GPHN: variants seen among roughly 807,000 people sequenced by gnomAD.
The protein encoded by GPHN is gephyrin.
A neutral mutation model predicts 95.5 loss-of-function variants in GPHN; 17 were observed. The ratio of observed to expected loss-of-function variants is 0.18; its 90% CI spans 0.12 to 0.27. The LOEUF (loss-of-function observed/expected upper bound fraction) is 0.27. Ranked by LOEUF, GPHN falls within the 10% of genes least tolerant of loss-of-function variation. The probability of loss-of-function intolerance (pLI) is 1.00; values close to 1 mark genes in which losing one functional copy is unlikely to be tolerated. For missense variants in GPHN, 660 were observed against 978.1 expected (o/e 0.67, Z 4.34); for synonymous variants, 320 against 322.5 (o/e 0.99, Z 0.08).
chr14:66,611,740 A>G (rs909449287), intron 1 of GPHN, among the ~76,000 whole-genome samples: 1 of 152,124 alleles, frequency 6.6e-6, no homozygotes, highest in Non-Finnish European at 1.5e-5. Flanking sequence ...GCTCTTTTAA[A>G]ATCTTAGCCA....
chr14:67,173,712 AAAG>A (rs1228057338), intron 21 of GPHN, among the ~76,000 whole-genome samples: 1 of 152,238 alleles, frequency 6.6e-6, no homozygotes, highest in Non-Finnish European at 1.5e-5. Context: ...ACCCAAATGA[AAAG>A]AAAATCAATG....
chr14:66,990,851 T>C (rs578070953), intron 9 of GPHN, among the ~76,000 whole-genome samples: 1 of 151,504 alleles, frequency 6.6e-6, no homozygotes, highest in Non-Finnish European at 1.5e-5. Context: ...TTTAATTTGC[T>C]AATAAATAAA....
At chr14:66,560,093 G>C (rs1274629052) in intron 1 of GPHN, among the ~76,000 whole-genome samples, 1 of 152,050 alleles carries the variant, frequency 6.6e-6, no homozygotes, top group Non-Finnish European at 1.5e-5. Context: ...TGTTCCATTG[G>C]TCTATATCTC....
the GPHN span, among the ~76,000 whole-genome samples, chr14:67,539,281 T>C: frequency 1.3e-5 from 2 of 152,210 alleles, no homozygotes; most frequent in African/African-American, 2.4e-5. Flanking sequence ...CATGTTTTGT[T>C]TTTGTCTTTT....
the GPHN span, chr14:67,656,542 G>A: frequency 2.5e-6 from 4 of 1,613,932 alleles, no homozygotes; most frequent in Admixed American, 1.7e-5. Flanking sequence ...CCCGGTTCAG[G>A]CTTTCAGTGC....
intron 1 of GPHN, among the ~76,000 whole-genome samples, chr14:66,545,081 A>G (rs982124415): frequency 6.6e-6 from 1 of 151,890 alleles, no homozygotes; most frequent in African/African-American, 2.4e-5. Flanking sequence ...CCCGTTCTCA[A>G]TGAGCTGCCG....
rs554913568 is a variant in GPHN, at chr14:66,798,258, C to G, written c.201+21737C>G. Among the ~76,000 whole-genome samples, 3 of 152,000 alleles carry G rather than the reference C, an allele frequency of 2.0e-5. No homozygotes were observed. In the South Asian group the frequency reaches 6.2e-4, roughly 32 times the overall value. On this transcript the variant is annotated intron_variant, in intron 3 of 22. Coordinates refer to ENST00000478722, the MANE Select transcript of GPHN (RefSeq NM_020806.5). ...CATTGAGGAGTTTTGCATCAATATTCATGAGAGATATTGGCCTATAGTTTT... is the reference window on the plus strand; with the variant it reads ...CATTGAGGAGTTTTGCATCAATATTGATGAGAGATATTGGCCTATAGTTTT...
At chr14:66,536,769 C>A (rs1487125859) in intron 1 of GPHN, among the ~76,000 whole-genome samples, 1 of 152,150 alleles carries the variant, frequency 6.6e-6, no homozygotes, top group Non-Finnish European at 1.5e-5. Flanking sequence ...TCAGTAAGGT[C>A]ATATTGGTTA....
chr14:66,577,409 C>T lies in GPHN; in HGVS notation c.64+68818C>T, dbSNP rs190853603. Among the ~76,000 whole-genome samples the T allele has an allele frequency of 3.9e-5, 6 of 152,276 alleles. No individual in the cohort carries two copies. In the East Asian group the frequency reaches 1.2e-3, roughly 29 times the overall value. On this transcript the variant is annotated intron_variant, in intron 1 of 22. Coordinates refer to ENST00000478722, the MANE Select transcript of GPHN (RefSeq NM_020806.5). ...TATAGTTTTTGTGTGCTTTCTACCACACACCAGTGCTTCTTAAGTTTCAGT... is the reference window on the plus strand; with the variant it reads ...TATAGTTTTTGTGTGCTTTCTACCATACACCAGTGCTTCTTAAGTTTCAGT...
the GPHN span, among the ~76,000 whole-genome samples, chr14:67,627,372 G>A: frequency 6.6e-6 from 1 of 151,238 alleles, no homozygotes; most frequent in Admixed American, 6.6e-5. Context: ...ACTTATGTAA[G>A]TTTTATGTGT....
chr14:66,982,862 T>C (rs2070767473), intron 9 of GPHN, among the ~76,000 whole-genome samples: 1 of 152,182 alleles, frequency 6.6e-6, no homozygotes, highest in Admixed American at 6.6e-5. Flanking sequence ...TAGCTAATGA[T>C]GTGAAGCTCT....
chr14:66,901,730 C>G lies in GPHN; in HGVS notation c.390-14273C>G, dbSNP rs79945482. Among the ~76,000 whole-genome samples, 471 of 151,928 alleles carry G rather than the reference C, an allele frequency of 3.1e-3. 12 individuals carry two copies. Among genetic ancestry groups the G allele is most frequent in the African/African-American group, 0.011 (446 of 41,466 alleles). ...AGTTCCTTATCTTCCCCATTGGTCTCGCATATCTGTTTGGTGTCAGTACCA... is the reference window on the plus strand; with the variant it reads ...AGTTCCTTATCTTCCCCATTGGTCTGGCATATCTGTTTGGTGTCAGTACCA... On this transcript the variant is annotated intron_variant, in intron 5 of 22. Coordinates refer to ENST00000478722, the MANE Select transcript of GPHN (RefSeq NM_020806.5).
chr14:66,520,863 C>T (rs908680562), intron 1 of GPHN, among the ~76,000 whole-genome samples: 2 of 152,020 alleles, frequency 1.3e-5, no homozygotes, highest in Non-Finnish European at 2.9e-5. Context: ...CTTCCCACCC[C>T]CTACCCTCAA....
intron 5 of GPHN, among the ~76,000 whole-genome samples, chr14:66,889,251 C>A (rs74631176): frequency 0.027 from 4,143 of 152,086 alleles, 80 homozygotes; most frequent in Non-Finnish European, 0.038. Context: ...CAACTAGATA[C>A]AACCCACATA....
intron 3 of GPHN, among the ~76,000 whole-genome samples, chr14:66,793,961 A>G (rs117718151): frequency 6.6e-6 from 1 of 152,204 alleles, no homozygotes; most frequent in Non-Finnish European, 1.5e-5. Flanking sequence ...AATGGATTTA[A>G]CAATTCAATC....
Position 66,570,157 on chromosome 14 carries a change from A to G in GPHN, c.64+61566A>G, listed in dbSNP as rs373722644. On this transcript the variant is annotated intron_variant, in intron 1 of 22. Transcript: ENST00000478722. ...TTAAGGTTGAATAGTCTTCCAATGTATATGTATATACCACATTTTCTTTAT... is the reference window on the plus strand; with the variant it reads ...TTAAGGTTGAATAGTCTTCCAATGTGTATGTATATACCACATTTTCTTTAT... Among the ~76,000 whole-genome samples, 556 of 152,188 alleles carry G rather than the reference A, an allele frequency of 3.7e-3. 12 individuals are homozygous for G. Among genetic ancestry groups the G allele is most frequent in the African/African-American group, 0.013 (530 of 41,538 alleles).
chr14:67,700,128 GA>G, the GPHN span, among the ~76,000 whole-genome samples: 207 of 141,882 alleles, frequency 1.5e-3, 1 homozygote, highest in East Asian at 9.3e-3. Context: ...GACAGAGCGA[GA>G]AAAAAAAAAA....
At chr14:67,306,033 C>T in the GPHN span, among the ~76,000 whole-genome samples, 2 of 152,120 alleles carry the variant, frequency 1.3e-5, no homozygotes, top group African/African-American at 2.4e-5. Flanking sequence ...GCAGTGGCAC[C>T]ATCTGGGCTC....
At chr14:66,912,718 T>C (rs72730410) in intron 5 of GPHN, among the ~76,000 whole-genome samples, 6,609 of 152,228 alleles carry the variant, frequency 0.043, 189 homozygotes, top group Middle Eastern at 0.068. Flanking sequence ...TTACAGTGAA[T>C]TCATGACTTC....
Sources: gnomAD v4.1 joint callset for allele counts (sites outside exome capture counted in the v4.1 genomes callset) on GRCh38, gnomAD v4.1.1 for gene constraint, MANE v1.5 for transcripts, NCBI Gene and HGNC (gene_info 2026-07-23, HGNC 2026-07-21) for gene names.